PTK2B: variants seen among roughly 807,000 people sequenced by gnomAD.
PTK2B encodes protein-tyrosine kinase 2-beta.
PTK2B carries 71 observed loss-of-function variants against 142.9 expected under a neutral mutation model. That is an observed-to-expected ratio of 0.50 (90% confidence interval 0.41 to 0.61). The LOEUF (loss-of-function observed/expected upper bound fraction) is 0.61, where lower values mean the gene tolerates loss of function less well. Ranked by LOEUF, PTK2B falls within the 20% of genes least tolerant of loss-of-function variation. The probability of loss-of-function intolerance (pLI) is 0.00; values close to 1 mark genes in which losing one functional copy is unlikely to be tolerated. For synonymous variants in PTK2B, 519 were observed against 503.4 expected, an observed-to-expected ratio of 1.03 and a Z score of -0.42; for missense variants, 1,105 against 1,320.4, an observed-to-expected ratio of 0.84 and a Z score of 2.53.
chr8:27,388,272 G>A (rs931380355), intron 1 of PTK2B, among the ~76,000 whole-genome samples: 5 of 152,212 alleles, frequency 3.3e-5, no homozygotes, highest in African/African-American at 1.2e-4. Context: ...CATGAGATTT[G>A]CAGGAGTTGG....
At chr8:27,358,831 A>G (rs577051616) in intron 1 of PTK2B, among the ~76,000 whole-genome samples, 4 of 152,144 alleles carry the variant, frequency 2.6e-5, no homozygotes, top group Non-Finnish European at 4.4e-5. Context: ...TTTAATGGAA[A>G]AATAGGTTAA....
Position 27,351,026 on chromosome 8 carries a change from T to A in PTK2B, c.-38+25345T>A, listed in dbSNP as rs1324541855. Among the ~76,000 whole-genome samples the A allele has an allele frequency of 4.4e-3, 350 of 79,486 alleles. 36 individuals carry two copies. Among genetic ancestry groups the A allele is most frequent in the African/African-American group, 0.013 (243 of 18,218 alleles). The allele number at this position is 79,486 out of a possible 152,430, so 52.1% of individuals were successfully genotyped here. On this transcript the variant is annotated intron_variant, in intron 1 of 30. Coordinates refer to ENST00000346049, the MANE Select transcript of PTK2B (RefSeq NM_173176.3). ...ATATATATATATATATATATATATA[T>A]ATATATATATATATACGTGCTTGGA...
At chr8:27,319,442 A>T (rs966265040) in intron 3 of PTK2B, among the ~76,000 whole-genome samples, 1 of 151,090 alleles carries the variant, frequency 6.6e-6, no homozygotes, top group African/African-American at 2.5e-5. Flanking sequence ...GGAGATCGAG[A>T]CTGTCCGGGC....
At chr8:27,317,276 A>G (rs1451053495) in intron 3 of PTK2B, among the ~76,000 whole-genome samples, 1 of 152,240 alleles carries the variant, frequency 6.6e-6, no homozygotes, top group Non-Finnish European at 1.5e-5. Flanking sequence ...GACCATCATG[A>G]TTGATTTGAG....
chr8:27,457,340 A>G (rs147054660), intron 30 of PTK2B, among the ~76,000 whole-genome samples: 36 of 152,360 alleles, frequency 2.4e-4, no homozygotes, highest in African/African-American at 7.9e-4. Flanking sequence ...ACTATCTTCA[A>G]ATATTACTAC....
chr8:27,324,894 G>C (rs908357198), upstream of PTK2B, among the ~76,000 whole-genome samples: 3 of 152,126 alleles, frequency 2.0e-5, no homozygotes, highest in Non-Finnish European at 4.4e-5. Flanking sequence ...ACATATCACC[G>C]GCCTGAGGAA....
chr8:27,433,234 C>A (rs1011964502), intron 10 of PTK2B: 1 of 551,142 alleles, frequency 1.8e-6, no homozygotes, highest in East Asian at 3.0e-5. Flanking sequence ...TGGGACTGGC[C>A]TTTGGAGAGC....
rs1170586146 is a variant in PTK2B, at chr8:27,440,289, G to A, written c.1887G>A (p.Leu629=). The change falls in exon 21 of 31, where the codon CTG becomes CTA. Residue 629 remains leucine (L), a synonymous_variant. Transcript: ENST00000346049. ...LSFGKQPFFW[L]ENKDVIGVLE... is the part of the protein sequence containing the mutation. ...TTGGGAAGCAGCCCTTCTTCTGGCT[G>A]GAGAACAAGGATGTCATCGGGGTGC... The A allele has an allele frequency of 6.2e-7, 1 of 1,614,194 alleles. No homozygotes were observed. Among genetic ancestry groups the A allele is most frequent in the Admixed American group, 1.7e-5 (1 of 60,028 alleles).
In PTK2B at chr8:27,430,964, C is replaced by T; in HGVS notation, c.758C>T (p.Thr253Ile). ...GAGTGCGTCATGAAGTTCTTCAACA[C>T]TCTCGCCGGCTTCGCCAACATCGAC... is the stretch of plus-strand genomic sequence containing the variant. ...EEECVMKFFN[T>I]LAGFANIDQE... is the part of the protein sequence containing the mutation. The change falls in exon 8 of 31, where the codon ACT (threonine) becomes ATT (isoleucine). Residue 253 changes from threonine (T) to isoleucine (I), a missense_variant. Transcript: ENST00000346049. The T allele has an allele frequency of 8.7e-6, 14 of 1,614,216 alleles. No individual in the cohort carries two copies. Among genetic ancestry groups the T allele is most frequent in the Non-Finnish European group, 1.2e-5 (14 of 1,180,040 alleles).
At chr8:27,338,405 G>C (rs899563068) in intron 1 of PTK2B, among the ~76,000 whole-genome samples, 1 of 152,068 alleles carries the variant, frequency 6.6e-6, no homozygotes, top group Non-Finnish European at 1.5e-5. Context: ...AAGGGTGGGA[G>C]GGGGGTGAGG....
At chr8:27,365,850 G>A (rs1282156184) in intron 1 of PTK2B, among the ~76,000 whole-genome samples, 8 of 152,188 alleles carry the variant, frequency 5.3e-5, no homozygotes, top group Admixed American at 6.5e-5. Context: ...CTGGTAATTT[G>A]CCTTCCTTTC....
In PTK2B at chr8:27,419,083, G is replaced by GTC. The variant is rs1341004100; in HGVS notation, c.205-812_205-811insTC. ...CAGAACTAGGCAGGGCCTTACAGAT[G>GTC]GACTTCTAGGCAGCTGCCCGGTTGG... On this transcript the variant is annotated intron_variant, in intron 2 of 30. Coordinates refer to ENST00000346049, the MANE Select transcript of PTK2B (RefSeq NM_173176.3). 2.6e-5 allele frequency among the ~76,000 whole-genome samples: 4 copies of GTC among 152,190 alleles called. No homozygotes were observed. The East Asian group carries it at 5.8e-4, about 22-fold the overall frequency.
intron 1 of PTK2B, among the ~76,000 whole-genome samples, chr8:27,328,999 G>A (rs917445008): frequency 5.3e-5 from 8 of 151,490 alleles, no homozygotes; most frequent in East Asian, 1.9e-4. Context: ...GTGCAGTGGC[G>A]CGATCTCAGC....
At chr8:27,418,539 G>A (rs1324461811) in intron 2 of PTK2B, among the ~76,000 whole-genome samples, 1 of 152,044 alleles carries the variant, frequency 6.6e-6, no homozygotes, top group Non-Finnish European at 1.5e-5. Context: ...TTTTTGGTTT[G>A]ACAGCAACCT....
At chr8:27,416,437 T>G (rs1031006624) in intron 2 of PTK2B, among the ~76,000 whole-genome samples, 2 of 152,174 alleles carry the variant, frequency 1.3e-5, no homozygotes, top group Non-Finnish European at 2.9e-5. Flanking sequence ...CAACAACCAA[T>G]GCTGAACAAC....
chr8:27,456,274 T>C (rs969481562), intron 30 of PTK2B, among the ~76,000 whole-genome samples: 2 of 152,246 alleles, frequency 1.3e-5, no homozygotes, highest in Admixed American at 1.3e-4. Flanking sequence ...AGCAAGCCTA[T>C]TGGTGCCATT....
At chr8:27,333,983 GC>G (rs753087939) in intron 1 of PTK2B, among the ~76,000 whole-genome samples, 156 of 151,912 alleles carry the variant, frequency 1.0e-3, no homozygotes, top group South Asian at 2.5e-3. Context: ...TCTCCTCCTG[GC>G]TTCTCTCCTC....
Position 27,423,084 on chromosome 8 carries a change from AG to A in PTK2B, c.551+704del, listed in dbSNP as rs1203839254. On this transcript the variant is annotated intron_variant, in intron 5 of 30. Transcript: ENST00000346049. ...ATAGACTGGAGAATCGTGAGCTTGG[AG>A]GGATAAGTTGGGGCTGATGGTGGAA... Among the ~76,000 whole-genome samples the A allele has an allele frequency of 5.2e-4, 79 of 152,158 alleles. 2 individuals carry two copies. Among genetic ancestry groups the A allele is most frequent in the Admixed American group, 5.2e-3 (79 of 15,266 alleles).
In PTK2B at chr8:27,453,012, C is replaced by T. The variant is rs976382379; in HGVS notation, c.2549-102C>T. 1.5e-5 allele frequency: 21 copies of T among 1,383,768 alleles called. No individual in the cohort carries two copies. The African/African-American group carries it at 2.1e-4, about 14-fold the overall frequency. 85.7% of individuals were successfully genotyped at this position (1,383,768 alleles called of 1,614,324 possible). On this transcript the variant is annotated intron_variant, in intron 27 of 30. Coordinates refer to ENST00000346049, the MANE Select transcript of PTK2B (RefSeq NM_173176.3). The stretch of plus-strand genomic sequence containing the variant: ...TTCAGAGTTAATTTCCCTGAAGTCT[C>T]CTGGTGGTAGAGGGGAAGGGGCTCA...
Sources: gnomAD v4.1 joint callset for allele counts (sites outside exome capture counted in the v4.1 genomes callset) on GRCh38, gnomAD v4.1.1 for gene constraint, MANE v1.5 for transcripts, NCBI Gene and HGNC (gene_info 2026-07-23, HGNC 2026-07-21) for gene names.